Variants in FLRT2 observed in about 807,000 individuals in gnomAD.
The protein encoded by FLRT2 is fibronectin leucine rich transmembrane protein 2.
A neutral mutation model predicts 40.0 loss-of-function variants in FLRT2; 15 were observed. That is an observed-to-expected ratio of 0.38 (90% CI 0.25 to 0.58). The LOEUF is 0.58. FLRT2 is among the 20% of genes least tolerant of loss of function. The pLI is 0.71. For missense variants in FLRT2, 726 were observed against 840.0 expected, an observed-to-expected ratio of 0.86 and a Z score of 1.68; for synonymous variants, 380 against 336.8, an observed-to-expected ratio of 1.13 and a Z score of -1.41.
At chr14:85,609,565 T>A (rs1892770762) in intron 1 of FLRT2, among the ~76,000 whole-genome samples, 1 of 152,214 alleles carries the variant, frequency 6.6e-6, no homozygotes, top group Non-Finnish European at 1.5e-5. Flanking sequence ...TGACCCTGAA[T>A]ACCTAGTTTC....
chr14:85,546,589 G>A (rs890734747), intron 1 of FLRT2, among the ~76,000 whole-genome samples: 4 of 152,222 alleles, frequency 2.6e-5, no homozygotes, highest in African/African-American at 7.2e-5. Context: ...CTATGGAAGT[G>A]CAAATTTAGC....
Position 85,645,727 on chromosome 14 carries a change from C to T in FLRT2, c.*22230C>T, listed in dbSNP as rs1180433490. ...ATAAGGTGATCTATTATATGGATGT[C>T]AAGCTGTCCTTTTCCCCAGCCACCC... is the stretch of plus-strand genomic sequence containing the variant. On this transcript the variant is annotated 3_prime_UTR_variant, in exon 2 of 2. Transcript: ENST00000330753. The T allele has an allele frequency of 6.6e-6, 1 of 152,146 alleles. No homozygotes were observed. The highest frequency in any genetic ancestry group is 1.5e-5 in the Non-Finnish European group (1 of 68,024). 9.4% of individuals were successfully genotyped at this position (152,146 alleles called of 1,614,324 possible). A position where few individuals can be genotyped will look rare whatever the true frequency, so the allele number is the denominator to read the frequency against.
chr14:85,539,889 C>T (rs564868424), intron 1 of FLRT2, among the ~76,000 whole-genome samples: 30 of 152,302 alleles, frequency 2.0e-4, no homozygotes, highest in African/African-American at 6.7e-4. Context: ...CTAACCAATA[C>T]ACTGGCTGCT....
At chr14:85,556,946 C>T (rs1285148738) in intron 1 of FLRT2, among the ~76,000 whole-genome samples, 1 of 152,136 alleles carries the variant, frequency 6.6e-6, no homozygotes, top group Non-Finnish European at 1.5e-5. Context: ...GCAAAAGGCA[C>T]TTCTTACATG....
At position 85,624,558 on chromosome 14, in the gene FLRT2, T is replaced by C. The variant is rs1893585559; in HGVS notation, c.*1061T>C. On this transcript the variant is annotated 3_prime_UTR_variant, in exon 2 of 2. Coordinates refer to ENST00000330753, the MANE Select transcript of FLRT2 (RefSeq NM_013231.6). ...GACAAAAACAACTGATCAGTGGTTC[T>C]GTTATGTCAGCTGACTTTGTTAGTA... is the stretch of plus-strand genomic sequence containing the variant. 1 of 167,066 alleles carries C rather than the reference T, an allele frequency of 6.0e-6. No homozygotes were observed. The highest frequency in any genetic ancestry group is 2.4e-5 in the African/African-American group (1 of 41,478). The allele number at this position is 167,066 out of a possible 1,614,324, so 10.3% of individuals were successfully genotyped here.
rs1894396199 is a variant in FLRT2, at chr14:85,650,042, A to G, written c.*26545A>G. 1 of 152,038 alleles carries G rather than the reference A, an allele frequency of 6.6e-6. No individual in the cohort carries two copies. The allele number at this position is 152,038 out of a possible 1,614,324, so 9.4% of individuals were successfully genotyped here. A position where few individuals can be genotyped will look rare whatever the true frequency, so the allele number is the denominator to read the frequency against. Reference sequence around the variant, plus strand: ...ATTAATATCATCCTAAATTTGCTTCATTGCTTTTATTCATTAAAAATTACA... The same window carrying G: ...ATTAATATCATCCTAAATTTGCTTCGTTGCTTTTATTCATTAAAAATTACA... On this transcript the variant is annotated 3_prime_UTR_variant, in exon 2 of 2. Transcript: ENST00000330753.
chr14:85,611,741 CTTCT>C (rs1892871002), intron 1 of FLRT2, among the ~76,000 whole-genome samples: 1 of 152,120 alleles, frequency 6.6e-6, no homozygotes, highest in Non-Finnish European at 1.5e-5. Context: ...TGTTTTAAAT[CTTCT>C]TTATCATCAC....
intron 1 of FLRT2, among the ~76,000 whole-genome samples, chr14:85,582,742 A>T (rs1891447847): frequency 6.6e-6 from 1 of 152,110 alleles, no homozygotes; most frequent in South Asian, 2.1e-4. Context: ...GGACTAATAT[A>T]GTCCTTGTAT....
chr14:85,564,304 C>G (rs1387741957), intron 1 of FLRT2, among the ~76,000 whole-genome samples: 1 of 152,108 alleles, frequency 6.6e-6, no homozygotes, highest in Non-Finnish European at 1.5e-5. Flanking sequence ...AGTTTAGAAG[C>G]TTTAACAATG....
At chr14:85,613,278 G>A (rs1021153377) in intron 1 of FLRT2, among the ~76,000 whole-genome samples, 21 of 152,094 alleles carry the variant, frequency 1.4e-4, no homozygotes, top group African/African-American at 3.9e-4. Context: ...AACAAACCAA[G>A]TATGTTATGT....
At chr14:85,567,923 C>G (rs1422801915) in intron 1 of FLRT2, among the ~76,000 whole-genome samples, 3 of 151,994 alleles carry the variant, frequency 2.0e-5, no homozygotes, top group Non-Finnish European at 4.4e-5. Context: ...TAAGCGTGAG[C>G]CACCGCGCAA....
At position 85,648,967 on chromosome 14, in the gene FLRT2, A is replaced by C. The variant is rs1894370434; in HGVS notation, c.*25470A>C. On this transcript the variant is annotated 3_prime_UTR_variant, in exon 2 of 2. Transcript: ENST00000330753. ...GTCACAGAATTCACTGATCTATTAT[A>C]ATTTACCAATTCCTTTGCATCATAG... is the stretch of plus-strand genomic sequence containing the variant. The C allele has an allele frequency of 6.6e-6, 1 of 152,148 alleles. No homozygotes were observed. The highest frequency in any genetic ancestry group is 2.4e-5 in the African/African-American group (1 of 41,446). 9.4% of individuals were successfully genotyped at this position (152,148 alleles called of 1,614,324 possible).
At chr14:85,568,920 G>A (rs955248647) in intron 1 of FLRT2, among the ~76,000 whole-genome samples, 1 of 149,926 alleles carries the variant, frequency 6.7e-6, no homozygotes, top group Non-Finnish European at 1.5e-5. Context: ...CACTCATTCC[G>A]TCTGTCTCCT....
chr14:85,632,615 A>G lies in FLRT2; in HGVS notation c.*9118A>G, dbSNP rs987694340. On this transcript the variant is annotated 3_prime_UTR_variant, in exon 2 of 2. Coordinates refer to ENST00000330753, the MANE Select transcript of FLRT2 (RefSeq NM_013231.6). ...GAAAAGCAGAGATTTTTTTTTTTTCATCTTCATCAGCAAAATTAAAAAAGA... is the reference window on the plus strand; with the variant it reads ...GAAAAGCAGAGATTTTTTTTTTTTCGTCTTCATCAGCAAAATTAAAAAAGA... The G allele has an allele frequency of 6.8e-6, 1 of 147,914 alleles. No individual in the cohort carries two copies. Among genetic ancestry groups the G allele is most frequent in the African/African-American group, 2.5e-5 (1 of 40,158 alleles). The allele number at this position is 147,914 out of a possible 1,614,324, so 9.2% of individuals were successfully genotyped here.
chr14:85,583,082 G>GT (rs1891463158), intron 1 of FLRT2, among the ~76,000 whole-genome samples: 1 of 152,088 alleles, frequency 6.6e-6, no homozygotes, highest in Non-Finnish European at 1.5e-5. Context: ...TTGTCCTTGT[G>GT]AAGGGTTAGG....
At position 85,633,082 on chromosome 14, in the gene FLRT2, G is replaced by T. The variant is rs1182608998; in HGVS notation, c.*9585G>T. ...TGACAAATTGCCAGCTTTTTATGAT[G>T]AAAATCAAATTTCTTGTGTATTGGG... On this transcript the variant is annotated 3_prime_UTR_variant, in exon 2 of 2. Coordinates refer to ENST00000330753, the MANE Select transcript of FLRT2 (RefSeq NM_013231.6). 6.6e-6 allele frequency: 1 copy of T among 152,116 alleles called. No homozygotes were observed. The highest frequency in any genetic ancestry group is 1.5e-5 in the Non-Finnish European group (1 of 68,018). 9.4% of individuals were successfully genotyped at this position (152,116 alleles called of 1,614,324 possible).
In FLRT2 at chr14:85,632,709, G is replaced by A. The variant is rs1343368410; in HGVS notation, c.*9212G>A. ...TATATCATTTAAAGGTTCACATTGT[G>A]TTATCTTGGTTATTGCCATGAGAAT... On this transcript the variant is annotated 3_prime_UTR_variant, in exon 2 of 2. Coordinates refer to ENST00000330753, the MANE Select transcript of FLRT2 (RefSeq NM_013231.6). 2 of 152,030 alleles carry A rather than the reference G, an allele frequency of 1.3e-5. No individual in the cohort carries two copies. Among genetic ancestry groups the A allele is most frequent in the African/African-American group, 2.4e-5 (1 of 41,360 alleles). 9.4% of individuals were successfully genotyped at this position (152,030 alleles called of 1,614,324 possible). A position where few individuals can be genotyped will look rare whatever the true frequency, so the allele number is the denominator to read the frequency against.
Position 85,621,860 on chromosome 14 carries a change from T to G in FLRT2, c.346T>G (p.Leu116Val). 6.2e-7 allele frequency: 1 copy of G among 1,613,890 alleles called. No homozygotes were observed. ...NLPKNVRVLH[L>V]QENNIQTISR... ...TCCCAAGAATGTCAGAGTTCTCCAT[T>G]TGCAGGAAAACAATATTCAGACCAT... The change falls in exon 2 of 2, where the codon TTG (leucine) becomes GTG (valine). Residue 116 changes from leucine to valine, a missense_variant. Transcript: ENST00000330753.
rs183655641 is a variant in FLRT2, at chr14:85,614,529, C to T, written c.-376-6610C>T. Among the ~76,000 whole-genome samples, 15 of 152,322 alleles carry T rather than the reference C, an allele frequency of 9.8e-5. No homozygotes were observed. In the East Asian group the frequency reaches 2.9e-3, roughly 29 times the overall value. On this transcript the variant is annotated intron_variant, in intron 1 of 1. Transcript: ENST00000330753. ...AGATCAGACCCGGAAGAGAGAAGGA[C>T]CAGTTGTTTCAATTCCCTGAAAGCA...
Sources: allele counts gnomAD v4.1 joint callset (sites outside exome capture counted in the v4.1 genomes callset), GRCh38; gene constraint gnomAD v4.1.1; transcripts MANE v1.5; gene names NCBI Gene and HGNC (gene_info 2026-07-23, HGNC 2026-07-21).